Variants in INSL4 observed in about 807,000 individuals in gnomAD.
INSL4 encodes insulin like 4, also known as early placenta insulin-like peptide.
A neutral mutation model predicts 6.5 loss-of-function variants in INSL4; 7 were observed. The observed-to-expected ratio is 1.08, with a 90% CI of 0.61 to 2.02. The LOEUF is 2.02. Among genes scored for constraint, INSL4 ranks in the 30% most tolerant of loss-of-function variants. INSL4 has a pLI of 0.00. For missense variants in INSL4, 226 were observed against 163.2 expected, an observed-to-expected ratio of 1.38 and a Z score of -2.09; for synonymous variants, 82 against 65.8, an observed-to-expected ratio of 1.25 and a Z score of -1.19.
chr9:5,233,586 T>C (rs1826180095), intron 1 of INSL4, 68 bp from the exon 2 acceptor site: 2 of 1,267,574 alleles, frequency 1.6e-6, no homozygotes, highest in Admixed American at 1.9e-5. Context: ...GCAAATTGTA[T>C]AATTTTTCTG....
At chr9:5,232,723 T>C (rs1290842189) in intron 1 of INSL4, among the ~76,000 whole-genome samples, 1 of 152,178 alleles carries the variant, frequency 6.6e-6, no homozygotes, top group Non-Finnish European at 1.5e-5. Flanking sequence ...CGTATTAAGT[T>C]CTGAAAAGCT....
intron 1 of INSL4, among the ~76,000 whole-genome samples, chr9:5,233,263 T>G (rs1427740640): frequency 6.6e-6 from 1 of 152,152 alleles, no homozygotes; most frequent in African/African-American, 2.4e-5. Context: ...GGATCAGATT[T>G]GAATATCTGA....
intron 1 of INSL4, 59 bp downstream of exon 1, chr9:5,231,778 C>A: frequency 6.8e-7 from 1 of 1,461,402 alleles, no homozygotes; most frequent in African/African-American, 1.4e-5. Flanking sequence ...GGCTCCAGAT[C>A]TCATTGACTG....
rs7852875 is a variant in INSL4, at chr9:5,231,583, T to G, written c.60T>G (p.Leu20=). The stretch of plus-strand genomic sequence containing the variant: ...TCTGGCTGCTGCTGAGCCAACTCCT[T>G]AGAGAAAGCCTAGCAGCAGAGCTGA... ...PAIWLLLSQL[L]RESLAAELRG... The change falls in exon 1 of 2, where the codon CTT becomes CTG. Residue 20 remains leucine (L), a synonymous_variant. Transcript: ENST00000239316. 12,550 of 1,613,784 alleles carry G rather than the reference T, an allele frequency of 7.8e-3. 807 individuals are homozygous for G. The African/African-American group carries it at 0.14, about 18-fold the overall frequency.
chr9:5,233,796 G>C lies in INSL4; in HGVS notation c.339G>C (p.Lys113Asn), dbSNP rs762310493. ...SLKKIILSRK[K>N]RSGRHRFDPF... ...AGAAAATAATACTTTCCCGCAAAAA[G>C]AGAAGTGGACGTCACAGATTTGATC... Residue 113 changes from lysine (K) to asparagine (N), a missense_variant, in exon 2 of 2, where the codon AAG becomes AAC. Lys to Asn is a moderately conservative substitution (Grantham distance 94, BLOSUM62 0). Transcript: ENST00000239316. The C allele has an allele frequency of 6.2e-7, 1 of 1,613,772 alleles. No homozygotes were observed. The highest frequency in any genetic ancestry group is 8.5e-7 in the Non-Finnish European group (1 of 1,179,752).
chr9:5,231,762 A>C, intron 1 of INSL4, 43 bp downstream of exon 1: 2 of 1,561,104 alleles, frequency 1.3e-6, no homozygotes, highest in Non-Finnish European at 1.8e-6. Flanking sequence ...GAGGCCTGAA[A>C]AAACAGGCTC....
Position 5,231,497 on chromosome 9 carries a change from C to T in INSL4, c.-27C>T, listed in dbSNP as rs371380257. On this transcript the variant is annotated 5_prime_UTR_variant, in exon 1 of 2. Coordinates refer to ENST00000239316, the MANE Select transcript of INSL4 (RefSeq NM_002195.2). The stretch of plus-strand genomic sequence containing the variant: ...AGTCTCTAAAGAAAGGCTGAGAACA[C>T]CCAGAACAGGAGAGTTCAGGTCCAG... 6.2e-5 allele frequency: 99 copies of T among 1,602,304 alleles called. No homozygotes were observed. In the African/African-American group the frequency reaches 1.1e-3, roughly 18 times the overall value.
chr9:5,233,097 A>G (rs1445786841), intron 1 of INSL4, among the ~76,000 whole-genome samples: 2 of 152,164 alleles, frequency 1.3e-5, no homozygotes, highest in Non-Finnish European at 2.9e-5. Flanking sequence ...GAAAATCCTC[A>G]TTTAAATACT....
In INSL4 at chr9:5,234,137, G is replaced by T; in HGVS notation, c.*260G>T. 2.6e-6 allele frequency: 1 copy of T among 385,652 alleles called. No individual in the cohort carries two copies. 23.9% of individuals were successfully genotyped at this position (385,652 alleles called of 1,614,324 possible). ...ACTGTATATTCCAAAATAGCTAGAA[G>T]AGAATTGTAATGATTCCAACACAAA... On this transcript the variant is annotated 3_prime_UTR_variant, in exon 2 of 2. Coordinates refer to ENST00000239316, the MANE Select transcript of INSL4 (RefSeq NM_002195.2).
chr9:5,233,291 A>G (rs750545634), intron 1 of INSL4, among the ~76,000 whole-genome samples: 7 of 152,112 alleles, frequency 4.6e-5, no homozygotes, highest in Non-Finnish European at 1.0e-4. Flanking sequence ...TATTAGAATA[A>G]CTTGTGATTA....
chr9:5,232,578 A>G (rs1445355555), intron 1 of INSL4, among the ~76,000 whole-genome samples: 1 of 152,208 alleles, frequency 6.6e-6, no homozygotes, highest in African/African-American at 2.4e-5. Flanking sequence ...AGAATTGAGG[A>G]AAGTTCAATA....
rs1326280264 is a variant in INSL4, at chr9:5,234,051, T to C, written c.*174T>C. ...GTCTCTCCAAATGGAGGAAGTTAGA[T>C]AGATGGAATAAGTTCTAGTAGTTGA... On this transcript the variant is annotated 3_prime_UTR_variant, in exon 2 of 2. Coordinates refer to ENST00000239316, the MANE Select transcript of INSL4 (RefSeq NM_002195.2). 3.4e-6 allele frequency: 2 copies of C among 580,710 alleles called. No individual in the cohort carries two copies. Among genetic ancestry groups the C allele is most frequent in the Non-Finnish European group, 3.1e-6 (1 of 327,290 alleles). The allele number at this position is 580,710 out of a possible 1,614,324, so 36.0% of individuals were successfully genotyped here. A position where few individuals can be genotyped will look rare whatever the true frequency, so the allele number is the denominator to read the frequency against.
chr9:5,233,391 T>C (rs1409014043), intron 1 of INSL4, among the ~76,000 whole-genome samples: 1 of 152,126 alleles, frequency 6.6e-6, no homozygotes, highest in Non-Finnish European at 1.5e-5. Flanking sequence ...TGGTATGGTA[T>C]AGGCATTTAG....
At chr9:5,231,816 G>T (rs529988449) in intron 1 of INSL4, 97 bp downstream of exon 1, 1 of 1,049,226 alleles carries the variant, frequency 9.5e-7, no homozygotes, top group African/African-American at 1.6e-5. Flanking sequence ...CTCTACTGTG[G>T]CTAGTGCCTA....
rs145490872 is a variant in INSL4 at position 5,231,434 on chromosome 9, A to G, written c.-90A>G. 9.2e-4 allele frequency: 1,174 copies of G among 1,278,596 alleles called. 9 individuals are homozygous for G. In the African/African-American group the frequency reaches 0.015, roughly 17 times the overall value. 79.2% of individuals were successfully genotyped at this position (1,278,596 alleles called of 1,614,324 possible). ...TGCAGAAAGCAGTCTGGAGCCCAGA[A>G]GGGACACACCAGCACAGTCTGGTAG... is the stretch of plus-strand genomic sequence containing the variant. On this transcript the variant is annotated 5_prime_UTR_variant, in exon 1 of 2. Coordinates refer to ENST00000239316, the MANE Select transcript of INSL4 (RefSeq NM_002195.2).
Position 5,233,730 on chromosome 9 carries a change from A to G in INSL4, c.273A>G (p.Pro91=). Residue 91 remains proline, a synonymous_variant, in exon 2 of 2, where the codon CCA becomes CCG. Coordinates refer to ENST00000239316, the MANE Select transcript of INSL4 (RefSeq NM_002195.2). ...TTSEFIPNLS[P]ELKKPLSEGQ... is the part of the protein sequence containing the mutation. ...CAGAATTCATTCCTAATTTGTCACC[A>G]GAGCTGAAGAAACCACTGTCTGAAG... 1 of 1,613,824 alleles carries G rather than the reference A, an allele frequency of 6.2e-7. No homozygotes were observed. Among genetic ancestry groups the G allele is most frequent in the Non-Finnish European group, 8.5e-7 (1 of 1,179,760 alleles).
At position 5,233,824 on chromosome 9, in the gene INSL4, T is replaced by C; in HGVS notation, c.367T>C (p.Phe123Leu). 6.2e-7 allele frequency: 1 copy of C among 1,613,656 alleles called. No individual in the cohort carries two copies. The highest frequency in any genetic ancestry group is 8.5e-7 in the Non-Finnish European group (1 of 1,179,656). ...AAGTGGACGTCACAGATTTGATCCA[T>C]TCTGTTGTGAAGTAATTTGTGACGA... ...KRSGRHRFDP[F>L]CCEVICDDGT... The change falls in exon 2 of 2, where the codon TTC (phenylalanine) becomes CTC (leucine). Residue 123 changes from phenylalanine to leucine, a missense_variant. Phe to Leu is a conservative substitution (Grantham distance 22, BLOSUM62 0). Transcript: ENST00000239316.
rs752570388 is a variant in INSL4, at chr9:5,233,736, G to A, written c.279G>A (p.Leu93=). The change falls in exon 2 of 2, where the codon CTG becomes CTA. Residue 93 remains leucine (L), a synonymous_variant. Coordinates refer to ENST00000239316, the MANE Select transcript of INSL4 (RefSeq NM_002195.2). ...SEFIPNLSPE[L]KKPLSEGQPS... is the part of the protein sequence containing the mutation. ...TCATTCCTAATTTGTCACCAGAGCT[G>A]AAGAAACCACTGTCTGAAGGGCAGC... The A allele has an allele frequency of 6.2e-7, 1 of 1,613,742 alleles. No homozygotes were observed. The highest frequency in any genetic ancestry group is 8.5e-7 in the Non-Finnish European group (1 of 1,179,750).
chr9:5,234,106 T>C lies in INSL4; in HGVS notation c.*229T>C. On this transcript the variant is annotated 3_prime_UTR_variant, in exon 2 of 2. Transcript: ENST00000239316. Reference sequence around the variant, plus strand: ...ACAATGGGGAAATTATACTTAACAATAATTCACTGTATATTCCAAAATAGC... The same window carrying C: ...ACAATGGGGAAATTATACTTAACAACAATTCACTGTATATTCCAAAATAGC... The C allele has an allele frequency of 4.3e-6, 2 of 469,734 alleles. No individual in the cohort carries two copies. Among genetic ancestry groups the C allele is most frequent in the East Asian group, 7.4e-5 (2 of 27,020 alleles). The allele number at this position is 469,734 out of a possible 1,614,324, so 29.1% of individuals were successfully genotyped here.
Sources: allele counts gnomAD v4.1 joint callset (sites outside exome capture counted in the v4.1 genomes callset), GRCh38; gene constraint gnomAD v4.1.1; transcripts MANE v1.5; gene names NCBI Gene and HGNC (gene_info 2026-07-23, HGNC 2026-07-21).